Variants in VCPKMT observed in about 807,000 individuals in gnomAD.
VCPKMT encodes the protein valosin containing protein lysine methyltransferase.
Under a neutral mutation model 28.6 loss-of-function variants are expected in VCPKMT, and 32 were observed. The observed-to-expected ratio is 1.12, with a 90% confidence interval of 0.84 to 1.50. The LOEUF is 1.50. Ranked by LOEUF, VCPKMT falls within the 40% of genes most tolerant of loss-of-function variation. VCPKMT has a pLI of 0.00. For missense variants in VCPKMT, 366 were observed against 285.0 expected (o/e 1.28, Z -2.05); for synonymous variants, 138 against 111.4 (o/e 1.24, Z -1.50).
downstream of VCPKMT, among the ~76,000 whole-genome samples, chr14:50,107,575 G>A (rs528875723): frequency 6.6e-6 from 1 of 152,154 alleles, no homozygotes; most frequent in Non-Finnish European, 1.5e-5. Flanking sequence ...CGGCATACAG[G>A]CGTGAGCCAC....
intron 5 of VCPKMT, chr14:50,112,056 G>A: frequency 2.0e-6 from 2 of 985,016 alleles, no homozygotes; most frequent in Non-Finnish European, 2.4e-6. Flanking sequence ...TATCTTTTAT[G>A]GACTCATCTG....
chr14:50,111,842 T>A, intron 5 of VCPKMT: 1 of 908,520 alleles, frequency 1.1e-6, no homozygotes, highest in Non-Finnish European at 1.3e-6. Flanking sequence ...CAAGCCGAGA[T>A]TGCACCACTG....
In VCPKMT at chr14:50,116,424, C is replaced by G; in HGVS notation, c.129G>C (p.Trp43Cys). ...YSSGGVGCVVWDAAIVLSKYL... is the reference protein window; with the variant it reads ...YSSGGVGCVVCDAAIVLSKYL... ...ATTTAGAAAGGACAATGGCAGCGTC[C>G]CACACAACGCAACCCACGCCACCGG... Residue 43 changes from tryptophan to cysteine, a missense_variant, in exon 1 of 6, where the codon TGG (tryptophan) becomes TGC (cysteine). Physicochemically the swap from Trp to Cys is radical, Grantham distance 215. Coordinates refer to ENST00000395860, the MANE Select transcript of VCPKMT (RefSeq NM_024558.3). 6.2e-7 allele frequency: 1 copy of G among 1,614,024 alleles called. No individual in the cohort carries two copies. Among genetic ancestry groups the G allele is most frequent in the South Asian group, 1.1e-5 (1 of 91,082 alleles).
Position 50,116,350 on chromosome 14 carries a change from C to A in VCPKMT, c.203G>T (p.Arg68Leu), listed in dbSNP as rs779158646. 1.1e-5 allele frequency: 18 copies of A among 1,612,336 alleles called. No homozygotes were observed. The South Asian group carries it at 2.0e-4, about 18-fold the overall frequency. ...CGAACCCAGCTCCAGCACCGACCGC[C>A]GGCTCAGCGCGTGGGCCCCGTCGCC... Reference protein sequence around the residue: ...FSGDGAHALSRRSVLELGSGT... With the variant: ...FSGDGAHALSLRSVLELGSGT... The change falls in exon 1 of 6, where the codon CGG becomes CTG. Residue 68 changes from arginine (R) to leucine (L), a missense_variant. Physicochemically the swap from Arg to Leu is moderately radical, Grantham distance 102 (BLOSUM62 -2). Transcript: ENST00000395860.
chr14:50,105,810 C>A (rs1259149320), downstream of VCPKMT, among the ~76,000 whole-genome samples: 2 of 152,172 alleles, frequency 1.3e-5, no homozygotes, highest in Non-Finnish European at 2.9e-5. Flanking sequence ...GGACCTGCAA[C>A]AATTTTTAAC....
chr14:50,112,734 G>A lies in VCPKMT; in HGVS notation c.571-15C>T. 6.6e-7 allele frequency: 1 copy of A among 1,510,486 alleles called. No homozygotes were observed. Among genetic ancestry groups the A allele is most frequent in the Non-Finnish European group, 9.0e-7 (1 of 1,110,226 alleles). 93.6% of individuals were successfully genotyped at this position (1,510,486 alleles called of 1,614,324 possible). Reference sequence around the variant, plus strand: ...AGCTGAAGGAGCTATAAATTTAAAAGAGACATACTTCAAATTCAATAATAT... The same window carrying A: ...AGCTGAAGGAGCTATAAATTTAAAAAAGACATACTTCAAATTCAATAATAT... On this transcript the variant is annotated splice_polypyrimidine_tract_variant and intron_variant, in intron 4 of 5. Coordinates refer to ENST00000395860, the MANE Select transcript of VCPKMT (RefSeq NM_024558.3).
chr14:50,113,195 T>C (rs1882826601), intron 4 of VCPKMT, among the ~76,000 whole-genome samples: 1 of 152,208 alleles, frequency 6.6e-6, no homozygotes. Context: ...GGTGTATACA[T>C]ATGAAAAATT....
chr14:50,106,329 G>A (rs879614443), downstream of VCPKMT, among the ~76,000 whole-genome samples: 3 of 152,188 alleles, frequency 2.0e-5, no homozygotes, highest in Admixed American at 2.0e-4. Context: ...AGTAGTTTCC[G>A]AGCTCCATTG....
downstream of VCPKMT, chr14:50,106,476 C>G: frequency 8.5e-5 from 72 of 844,138 alleles, no homozygotes; most frequent in Non-Finnish European, 9.7e-5. Context: ...ACCACGTCGT[C>G]CCCTCCTTCA....
downstream of VCPKMT, among the ~76,000 whole-genome samples, chr14:50,105,397 G>T: frequency 6.6e-6 from 1 of 152,204 alleles, no homozygotes; most frequent in Non-Finnish European, 1.5e-5. Flanking sequence ...TTGGGAGGCT[G>T]AGGAGGGTGG....
chr14:50,115,878 G>C lies in VCPKMT; in HGVS notation c.411C>G (p.Pro137=). 1 of 1,613,384 alleles carries C rather than the reference G, an allele frequency of 6.2e-7. No individual in the cohort carries two copies. The highest frequency in any genetic ancestry group is 8.5e-7 in the Non-Finnish European group (1 of 1,179,448). ...TGCAGTCGGCCATCAGTATGAAGTCGGGTGGAGAAGGAAAGCCTTCTATTT... is the reference window on the plus strand; with the variant it reads ...TGCAGTCGGCCATCAGTATGAAGTCCGGTGGAGAAGGAAAGCCTTCTATTT... ...GEEIEGFPSP[P]DFILMADCIY... The change falls in exon 3 of 6, where the codon CCC becomes CCG. Residue 137 remains proline, a synonymous_variant. Coordinates refer to ENST00000395860, the MANE Select transcript of VCPKMT (RefSeq NM_024558.3).
chr14:50,110,724 A>G (rs543091582), intron 5 of VCPKMT, among the ~76,000 whole-genome samples: 1 of 152,370 alleles, frequency 6.6e-6, no homozygotes, highest in South Asian at 2.1e-4. Flanking sequence ...ACATGTTCAC[A>G]CAAAAATTTG....
chr14:50,114,430 G>A (rs1325106582), intron 3 of VCPKMT, 26 bp from the exon 4 acceptor site: 3 of 1,405,872 alleles, frequency 2.1e-6, no homozygotes, highest in Admixed American at 3.1e-5. Context: ...TATATTTTTT[G>A]TTTTTGATTT....
chr14:50,114,656 CGA>C (rs755393693), intron 3 of VCPKMT, among the ~76,000 whole-genome samples: 91 of 152,146 alleles, frequency 6.0e-4, no homozygotes, highest in Non-Finnish European at 9.7e-4. Context: ...GAGAATACAG[CGA>C]GAGACAAACC....
downstream of VCPKMT, among the ~76,000 whole-genome samples, chr14:50,108,450 G>T (rs1235614648): frequency 6.6e-6 from 1 of 152,174 alleles, no homozygotes; most frequent in East Asian, 1.9e-4. Flanking sequence ...AGGACAGTAT[G>T]AACAAAGTAT....
chr14:50,110,991 C>T (rs780814314), intron 5 of VCPKMT: 4 of 209,660 alleles, frequency 1.9e-5, no homozygotes, highest in East Asian at 1.8e-4. Flanking sequence ...CAGCTGGGGA[C>T]GGGGGTAACA....
rs1170230156 is a variant in VCPKMT, at chr14:50,108,772, C to A, written c.*927G>T. 3.0e-6 allele frequency: 3 copies of A among 985,466 alleles called. No individual in the cohort carries two copies. The highest frequency in any genetic ancestry group is 3.5e-5 in the African/African-American group (2 of 57,198). 61.0% of individuals were successfully genotyped at this position (985,466 alleles called of 1,614,324 possible). A position where few individuals can be genotyped will look rare whatever the true frequency, so the allele number is the denominator to read the frequency against. The stretch of plus-strand genomic sequence containing the variant: ...TCCTTGACAGATTATTGTATATGAG[C>A]GAATGGCTTCATAACATAAAACAGA... On this transcript the variant is annotated 3_prime_UTR_variant, in exon 6 of 6. Coordinates refer to ENST00000395860, the MANE Select transcript of VCPKMT (RefSeq NM_024558.3).
rs1377960523 is a variant in VCPKMT, at chr14:50,116,105, A to G, written c.341T>C (p.Leu114Pro). The change falls in exon 2 of 6, where the codon CTT (leucine) becomes CCT (proline). Residue 114 changes from leucine to proline, a missense_variant. Leu to Pro is a moderately conservative substitution (Grantham distance 98). Transcript: ENST00000395860. ...CTTGGCTTGAACAGAACCAGTGACA[A>G]GATGCTTGTTCATATTAATATTCAT... is the stretch of plus-strand genomic sequence containing the variant. ...LKMNINMNKH[L>P]VTGSVQAKVL... 6.2e-7 allele frequency: 1 copy of G among 1,613,952 alleles called. No homozygotes were observed. Among genetic ancestry groups the G allele is most frequent in the Admixed American group, 1.7e-5 (1 of 60,002 alleles).
Position 50,116,497 on chromosome 14 carries a change from A to G in VCPKMT, c.56T>C (p.Val19Ala). Residue 19 changes from valine (V) to alanine (A), a missense_variant, in exon 1 of 6, where the codon GTT becomes GCT. Physicochemically the swap from Val to Ala is moderately conservative, Grantham distance 64 (BLOSUM62 0). Coordinates refer to ENST00000395860, the MANE Select transcript of VCPKMT (RefSeq NM_024558.3). The part of the protein sequence containing the change: ...LEDPLRSFVR[V>A]LEKRDGTVLR... ...CACTGTACCATCCCGCTTCTCCAAAACTCGCACAAAGCTCCGCAGTGGGTC... is the reference window on the plus strand; with the variant it reads ...CACTGTACCATCCCGCTTCTCCAAAGCTCGCACAAAGCTCCGCAGTGGGTC... 6.2e-7 allele frequency: 1 copy of G among 1,613,676 alleles called. No individual in the cohort carries two copies. The highest frequency in any genetic ancestry group is 8.5e-7 in the Non-Finnish European group (1 of 1,179,882).
Sources: allele counts gnomAD v4.1 joint callset (sites outside exome capture counted in the v4.1 genomes callset), GRCh38; gene constraint gnomAD v4.1.1; transcripts MANE v1.5; gene names NCBI Gene and HGNC (gene_info 2026-07-23, HGNC 2026-07-21).